Variants in XXYLT1 observed in about 807,000 individuals in gnomAD.
The protein encoded by XXYLT1 is UDP-xylose:alpha-xyloside alpha-1,3-xylosyltransferase.
Under a neutral mutation model 28.9 loss-of-function variants are expected in XXYLT1, and 20 were observed. That is an observed-to-expected ratio of 0.69 (90% CI 0.49 to 1.00). The LOEUF (loss-of-function observed/expected upper bound fraction) is 1.00, where lower values mean the gene tolerates loss of function less well. XXYLT1 is among the 50% of genes least tolerant of loss of function. The pLI is 0.00. For synonymous variants in XXYLT1, 257 were observed against 253.8 expected (o/e 1.01, Z -0.12); for missense variants, 542 against 560.1 (o/e 0.97, Z 0.33).
At chr3:195,142,555 C>T (rs925962150) in intron 3 of XXYLT1, among the ~76,000 whole-genome samples, 1 of 152,196 alleles carries the variant, frequency 6.6e-6, no homozygotes, top group African/African-American at 2.4e-5. Flanking sequence ...AAAAAAGGGG[C>T]CACCTAATTA....
At chr3:195,185,985 C>G (rs1265447195) in intron 2 of XXYLT1, among the ~76,000 whole-genome samples, 2 of 152,234 alleles carry the variant, frequency 1.3e-5, no homozygotes, top group Middle Eastern at 6.8e-3. Context: ...CTCTAGGGTC[C>G]CTGCAACACC....
Position 195,270,571 on chromosome 3 carries a change from GC to G in XXYLT1, c.487del (p.Ala163LeufsTer15). 1.4e-6 allele frequency: 2 copies of G among 1,381,552 alleles called. No individual in the cohort carries two copies. Among genetic ancestry groups the G allele is most frequent in the Non-Finnish European group, 1.9e-6 (2 of 1,070,276 alleles). The allele number at this position is 1,381,552 out of a possible 1,614,324, so 85.6% of individuals were successfully genotyped here. A position where few individuals can be genotyped will look rare whatever the true frequency, so the allele number is the denominator to read the frequency against. On this transcript the variant is annotated frameshift_variant, in exon 1 of 4. Coordinates refer to ENST00000310380, the MANE Select transcript of XXYLT1 (RefSeq NM_152531.5). LOFTEE classifies it high-confidence loss of function. ...CCCGCTCACCTTGCACTTGAAGCCA[GC>G]GGCGGGCGGCAGGAGCTCCCGCAGC... ...GLLRELLPPA[A>X]GFKCKVIFHD...
intron 2 of XXYLT1, among the ~76,000 whole-genome samples, chr3:195,206,774 A>G (rs1723089796): frequency 6.6e-6 from 1 of 152,126 alleles, no homozygotes; most frequent in Non-Finnish European, 1.5e-5. Context: ...TCAAAAAAAA[A>G]AAGTACTTTT....
intron 2 of XXYLT1, among the ~76,000 whole-genome samples, chr3:195,161,455 A>G (rs914523408): frequency 2.7e-4 from 41 of 151,986 alleles, no homozygotes; most frequent in South Asian, 6.2e-4. Flanking sequence ...CTGGGGCTTC[A>G]TGGACAGAAC....
At chr3:195,107,907 T>C (rs1437564758) in intron 3 of XXYLT1, among the ~76,000 whole-genome samples, 1 of 151,990 alleles carries the variant, frequency 6.6e-6, no homozygotes, top group African/African-American at 2.4e-5. Context: ...GGGGCCCTTC[T>C]TCCAGTCAGC....
intron 3 of XXYLT1, among the ~76,000 whole-genome samples, chr3:195,071,555 TCTG>T (rs1326201337): frequency 6.6e-6 from 1 of 152,172 alleles, no homozygotes; most frequent in African/African-American, 2.4e-5. Context: ...CTGCTTGTGT[TCTG>T]CTGTGAGTGG....
At chr3:195,142,522 A>G (rs1432642707) in intron 3 of XXYLT1, among the ~76,000 whole-genome samples, 1 of 152,276 alleles carries the variant, frequency 6.6e-6, no homozygotes, top group Non-Finnish European at 1.5e-5. Context: ...AAATTCAGCT[A>G]TAAGTTTTCT....
intron 1 of XXYLT1, among the ~76,000 whole-genome samples, chr3:195,241,032 T>A (rs1293763140): frequency 2.0e-4 from 30 of 152,210 alleles, no homozygotes; most frequent in Non-Finnish European, 1.5e-4. Context: ...AGTAAAGACA[T>A]CTGCCTCCCA....
At position 195,209,781 on chromosome 3, in the gene XXYLT1, C is replaced by G. The variant is rs1028954450; in HGVS notation, c.652+16928G>C. The G allele has an allele frequency of 3.9e-5, 6 of 152,438 alleles. No homozygotes were observed. Among genetic ancestry groups the G allele is most frequent in the Middle Eastern group, 3.2e-3 (1 of 316 alleles). 9.4% of individuals were successfully genotyped at this position (152,438 alleles called of 1,614,324 possible). A position where few individuals can be genotyped will look rare whatever the true frequency, so the allele number is the denominator to read the frequency against. On this transcript the variant is annotated intron_variant, in intron 2 of 3. Coordinates refer to ENST00000310380, the MANE Select transcript of XXYLT1 (RefSeq NM_152531.5). This position sits in a 1 kb window ranked among gnomAD's most constrained non-coding sequence, Gnocchi z 5.0. ...CCACTCTCTCTGGAGGCCCAGCTAT[C>G]GCCCGGAATATTCCAAAGGCTATCC...
Position 195,210,458 on chromosome 3 carries a change from C to T in XXYLT1, c.652+16251G>A, listed in dbSNP as rs1723266426. ...GCCCAGAAAAAAGTTGGCTGACGTC[C>T]TGGCAAGAAGTAATAAGAGCCAGCT... On this transcript the variant is annotated intron_variant, in intron 2 of 3. Coordinates refer to ENST00000310380, the MANE Select transcript of XXYLT1 (RefSeq NM_152531.5). This position sits in a 1 kb window ranked among gnomAD's most constrained non-coding sequence, Gnocchi z 4.8. Among the ~76,000 whole-genome samples, 1 of 152,190 alleles carries T rather than the reference C, an allele frequency of 6.6e-6. No homozygotes were observed. The highest frequency in any genetic ancestry group is 2.4e-5 in the African/African-American group (1 of 41,444).
chr3:195,175,597 G>A, intron 2 of XXYLT1: 1 of 1,536,046 alleles, frequency 6.5e-7, no homozygotes, highest in Admixed American at 2.0e-5. Flanking sequence ...GGTCTCAGAT[G>A]GACACGGTAG....
chr3:195,146,219 A>G (rs1010937090), intron 3 of XXYLT1, among the ~76,000 whole-genome samples: 1 of 152,222 alleles, frequency 6.6e-6, no homozygotes, highest in Admixed American at 6.5e-5. Flanking sequence ...TCCTTTCCAC[A>G]CGTGGTTTGT....
intron 2 of XXYLT1, among the ~76,000 whole-genome samples, chr3:195,174,901 A>T (rs1577109257): frequency 6.6e-6 from 1 of 152,030 alleles, no homozygotes; most frequent in Non-Finnish European, 1.5e-5. Context: ...TGAGTGTGCC[A>T]CCGTGCCCAG....
chr3:195,216,922 T>C (rs1723603901), intron 2 of XXYLT1, among the ~76,000 whole-genome samples: 1 of 118,604 alleles, frequency 8.4e-6, no homozygotes, highest in Admixed American at 8.4e-5. Context: ...AATAAAATAC[T>C]GGCAAAACGA....
intron 3 of XXYLT1, among the ~76,000 whole-genome samples, chr3:195,101,989 G>T (rs1716811378): frequency 1.1e-5 from 1 of 90,708 alleles, no homozygotes. Context: ...GGGATGCGGG[G>T]AGGGAGGACA....
rs184311892 is a variant in XXYLT1, at chr3:195,205,107, A to G, written c.652+21602T>C. 5.2e-5 allele frequency among the ~76,000 whole-genome samples: 8 copies of G among 152,390 alleles called. No homozygotes were observed. The South Asian group carries it at 1.0e-3, about 20-fold the overall frequency. On this transcript the variant is annotated intron_variant, in intron 2 of 3. Coordinates refer to ENST00000310380, the MANE Select transcript of XXYLT1 (RefSeq NM_152531.5). Reference sequence around the variant, plus strand: ...TCTGCCAAACTCTGGCAAATCGCCAAACTCTGGAAAAGTCTGCCAATTTTT... The same window carrying G: ...TCTGCCAAACTCTGGCAAATCGCCAGACTCTGGAAAAGTCTGCCAATTTTT...
chr3:195,098,463 G>A (rs1420472884), intron 3 of XXYLT1, among the ~76,000 whole-genome samples: 3 of 152,248 alleles, frequency 2.0e-5, no homozygotes, highest in African/African-American at 7.2e-5. Context: ...TGAGGCAGGA[G>A]AATGGCGTGA....
intron 2 of XXYLT1, among the ~76,000 whole-genome samples, chr3:195,164,281 C>A (rs1721008517): frequency 6.6e-6 from 1 of 152,192 alleles, no homozygotes; most frequent in Non-Finnish European, 1.5e-5. Flanking sequence ...ACATCCAGAT[C>A]CCCTTTCCCT....
chr3:195,151,965 C>T (rs1489064973), intron 3 of XXYLT1, among the ~76,000 whole-genome samples: 1 of 152,134 alleles, frequency 6.6e-6, no homozygotes, highest in African/African-American at 2.4e-5. Flanking sequence ...ACTATTACTT[C>T]ATTTGAGTTC....
Sources: gnomAD v4.1 joint callset for allele counts (sites outside exome capture counted in the v4.1 genomes callset) on GRCh38, gnomAD v4.1.1 for gene constraint, Gnocchi (gnomAD v3.1) non-coding constraint, MANE v1.5 for transcripts, NCBI Gene and HGNC (gene_info 2026-07-23, HGNC 2026-07-21) for gene names.